The following FGD5 variants were observed in gnomAD, a reference collection of about 807,000 sequenced individuals.
FGD5 encodes the protein FYVE, RhoGEF and PH domain-containing protein 5.
Under a neutral mutation model 133.4 loss-of-function variants are expected in FGD5, and 28 were observed. The ratio of observed to expected loss-of-function variants is 0.21; its 90% CI spans 0.16 to 0.29. The LOEUF is 0.29. Among genes scored for constraint, FGD5 ranks in the 10% least tolerant of loss-of-function variants. The probability of loss-of-function intolerance (pLI) is 1.00; values close to 1 mark genes in which losing one functional copy is unlikely to be tolerated. For synonymous variants in FGD5, 810 were observed against 776.5 expected, an observed-to-expected ratio of 1.04 and a Z score of -0.72; for missense variants, 1,858 against 1,895.2, an observed-to-expected ratio of 0.98 and a Z score of 0.36.
chr3:14,924,544 C>A (rs141127474), intron 17 of FGD5, among the ~76,000 whole-genome samples: 19 of 152,292 alleles, frequency 1.2e-4, no homozygotes, highest in South Asian at 4.1e-4. Flanking sequence ...ATGGGCTCCG[C>A]AGGAAACTTC....
At chr3:14,864,859 G>A (rs1313798874) in intron 2 of FGD5, among the ~76,000 whole-genome samples, 1 of 152,114 alleles carries the variant, frequency 6.6e-6, no homozygotes. Context: ...CTCTCTATTG[G>A]ACACTCATGG....
At chr3:14,894,653 C>A (rs890811391) in intron 4 of FGD5, among the ~76,000 whole-genome samples, 1 of 149,864 alleles carries the variant, frequency 6.7e-6, no homozygotes, top group Admixed American at 6.7e-5. Context: ...GTAGCTGAGA[C>A]CACAGGTGCA....
At position 14,921,979 on chromosome 3, in the gene FGD5, AAGGCCC is replaced by A. The variant is rs781268063; in HGVS notation, c.3636_3641del (p.Gln1213_Ala1214del). The A allele has an allele frequency of 6.4e-7, 1 of 1,570,806 alleles. No individual in the cohort carries two copies. The highest frequency in any genetic ancestry group is 1.2e-5 in the South Asian group (1 of 85,260). On this transcript the variant is annotated inframe_deletion, in exon 14 of 20. Transcript: ENST00000285046. ...GAGCAGAGCCCTCCCTGAGGACTAC[AAGGCCC>A]AGGCGCTGGCTGCATTCCACCATAG...
intron 1 of FGD5, among the ~76,000 whole-genome samples, chr3:14,861,172 G>A (rs886460034): frequency 6.6e-6 from 1 of 152,108 alleles, no homozygotes; most frequent in Non-Finnish European, 1.5e-5. Flanking sequence ...GGAGTGGCTC[G>A]GGTTTGGGAA....
At chr3:14,921,567 G>GT in intron 13 of FGD5, 1 of 259,826 alleles carries the variant, frequency 3.8e-6, no homozygotes, top group Non-Finnish European at 7.7e-6. Flanking sequence ...CTGCCAGCCC[G>GT]TTTCTCCTGA....
intron 2 of FGD5, among the ~76,000 whole-genome samples, chr3:14,872,950 GAAA>G (rs1444640616): frequency 6.6e-6 from 1 of 152,214 alleles, no homozygotes; most frequent in African/African-American, 2.4e-5. Context: ...TGGTGAAAAA[GAAA>G]AACCTCATGG....
chr3:14,835,376 T>A (rs758916241), intron 1 of FGD5, among the ~76,000 whole-genome samples: 1 of 152,110 alleles, frequency 6.6e-6, no homozygotes, highest in Non-Finnish European at 1.5e-5. Context: ...GGTGCATGCC[T>A]GTAGTTCCAG....
chr3:14,833,510 G>A (rs1205970953), intron 1 of FGD5, among the ~76,000 whole-genome samples: 1 of 152,202 alleles, frequency 6.6e-6, no homozygotes. Context: ...GGGTAGTCTT[G>A]TAAGGTAGTG....
intron 1 of FGD5, among the ~76,000 whole-genome samples, chr3:14,859,220 C>T (rs747221574): frequency 3.3e-5 from 5 of 152,174 alleles, no homozygotes; most frequent in Non-Finnish European, 7.3e-5. Flanking sequence ...AGGTCATTAA[C>T]ATATCCATCG....
intron 1 of FGD5, among the ~76,000 whole-genome samples, chr3:14,841,871 T>C (rs2036927925): frequency 6.6e-6 from 1 of 152,168 alleles, no homozygotes; most frequent in Middle Eastern, 3.2e-3. Context: ...TCTCCCAGGG[T>C]GCAGGGTCCA....
At position 14,820,810 on chromosome 3, in the gene FGD5, A is replaced by G; in HGVS notation, c.1739A>G (p.Glu580Gly). 1 of 1,613,934 alleles carries G rather than the reference A, an allele frequency of 6.2e-7. No homozygotes were observed. The highest frequency in any genetic ancestry group is 8.5e-7 in the Non-Finnish European group (1 of 1,179,866). Residue 580 changes from glutamate (E) to glycine (G), a missense_variant, in exon 1 of 20, where the codon GAG becomes GGG. Physicochemically the swap from Glu to Gly is moderately conservative, Grantham distance 98. Coordinates refer to ENST00000285046, the MANE Select transcript of FGD5 (RefSeq NM_152536.4). The part of the protein sequence containing the change: ...GLDDHRIKRK[E>G]DNLSLSCVIG... ...GATGACCACAGGATAAAGAGGAAAG[A>G]GGACAATCTCTCTCTGTCGTGTGTA... is the stretch of plus-strand genomic sequence containing the variant.
At position 14,821,042 on chromosome 3, in the gene FGD5, G is replaced by A; in HGVS notation, c.1971G>A (p.Leu657=). The change falls in exon 1 of 20, where the codon CTG becomes CTA. Residue 657 remains leucine (L), a synonymous_variant. Transcript: ENST00000285046. ...AGAAGTCATCCTTTAAGCGCTTCCT[G>A]GCACTGACGTTTAAGAAGAAGACGG... ...KKKKSSFKRF[L]ALTFKKKTEN... 6.2e-7 allele frequency: 1 copy of A among 1,613,922 alleles called. No individual in the cohort carries two copies. Among genetic ancestry groups the A allele is most frequent in the Middle Eastern group, 1.6e-4 (1 of 6,062 alleles).
At chr3:14,877,652 A>AT (rs2037745296) in intron 2 of FGD5, among the ~76,000 whole-genome samples, 1 of 152,058 alleles carries the variant, frequency 6.6e-6, no homozygotes, top group Non-Finnish European at 1.5e-5. Flanking sequence ...TCTTTGTGCC[A>AT]TTGTGGCCAC....
At chr3:14,907,768 C>A in intron 10 of FGD5, 57 bp downstream of exon 10, 1 of 1,549,116 alleles carries the variant, frequency 6.5e-7, no homozygotes, top group Non-Finnish European at 8.9e-7. Context: ...CTCCGATAAG[C>A]CCCATTGTTC....
At chr3:14,817,639 T>C (rs889491438), upstream of FGD5, among the ~76,000 whole-genome samples, 2 of 152,206 alleles carry the variant, frequency 1.3e-5, no homozygotes, top group African/African-American at 4.8e-5. Context: ...CTAACATGAG[T>C]GGGAAGAGAA....
intron 1 of FGD5, among the ~76,000 whole-genome samples, chr3:14,836,417 G>C (rs2036818250): frequency 6.6e-6 from 1 of 152,230 alleles, no homozygotes; most frequent in African/African-American, 2.4e-5. Flanking sequence ...TTAGGCAGCT[G>C]CTCAGCCTCT....
In FGD5 at chr3:14,835,223, C is replaced by T. The variant is rs553548675; in HGVS notation, c.2525+13627C>T. 9.2e-5 allele frequency among the ~76,000 whole-genome samples: 14 copies of T among 152,262 alleles called. No homozygotes were observed. In the East Asian group the frequency reaches 2.7e-3, roughly 29 times the overall value. ...TCAGAAAGCTGGACTACAGGCAGGG[C>T]GAGGTGGCTCACGCCTGTAATCCCA... On this transcript the variant is annotated intron_variant, in intron 1 of 19. Coordinates refer to ENST00000285046, the MANE Select transcript of FGD5 (RefSeq NM_152536.4).
intron 1 of FGD5, among the ~76,000 whole-genome samples, chr3:14,844,386 G>A (rs1435303219): frequency 6.7e-6 from 1 of 149,390 alleles, no homozygotes; most frequent in Non-Finnish European, 1.5e-5. Context: ...CCCCCTTAGA[G>A]AAACACTGCC....
intron 17 of FGD5, among the ~76,000 whole-genome samples, chr3:14,925,451 T>G (rs1039816631): frequency 2.0e-5 from 3 of 152,204 alleles, no homozygotes; most frequent in Non-Finnish European, 2.9e-5. Flanking sequence ...AAATTGAGAC[T>G]TAGAAGAAGT....
Sources: gnomAD v4.1 joint callset for allele counts (sites outside exome capture counted in the v4.1 genomes callset) on GRCh38, gnomAD v4.1.1 for gene constraint, MANE v1.5 for transcripts, NCBI Gene and HGNC (gene_info 2026-07-23, HGNC 2026-07-21) for gene names.